The following SMPD3 variants were observed in gnomAD, a reference collection of about 807,000 sequenced individuals.
SMPD3 encodes the protein sphingomyelin phosphodiesterase 3.
SMPD3 carries 21 observed loss-of-function variants against 55.7 expected under a neutral mutation model. The observed-to-expected ratio is 0.38, with a 90% confidence interval of 0.27 to 0.54. The LOEUF (loss-of-function observed/expected upper bound fraction) is 0.54, where lower values mean the gene tolerates loss of function less well. Ranked by LOEUF, SMPD3 falls within the 20% of genes least tolerant of loss-of-function variation. SMPD3 has a pLI of 0.80. For missense variants in SMPD3, 842 were observed against 899.6 expected, an observed-to-expected ratio of 0.94 and a Z score of 0.82; for synonymous variants, 457 against 404.3, an observed-to-expected ratio of 1.13 and a Z score of -1.56.
At chr16:68,409,182 C>G (rs2090276897) in intron 1 of SMPD3, among the ~76,000 whole-genome samples, 1 of 152,260 alleles carries the variant, frequency 6.6e-6, no homozygotes, top group Non-Finnish European at 1.5e-5. Flanking sequence ...GAGCTCATTC[C>G]TTTGCAGCTC....
At chr16:68,427,382 C>A (rs1443506587) in intron 1 of SMPD3, among the ~76,000 whole-genome samples, 1 of 152,136 alleles carries the variant, frequency 6.6e-6, no homozygotes, top group Non-Finnish European at 1.5e-5. Context: ...CAAGGAAGAA[C>A]TGGGAGGAAT....
intron 3 of SMPD3, chr16:68,369,212 C>A (rs1026451373): frequency 1.1e-5 from 1 of 94,088 alleles, no homozygotes; most frequent in African/African-American, 6.0e-5. Flanking sequence ...AGTGAAACTC[C>A]GTCTCAAAAA....
intron 2 of SMPD3, among the ~76,000 whole-genome samples, chr16:68,378,606 G>A (rs969680183): frequency 2.0e-5 from 3 of 150,202 alleles, no homozygotes; most frequent in Non-Finnish European, 3.0e-5. Flanking sequence ...AATCAGGCAC[G>A]TGTCTGTTTG....
At chr16:68,439,812 T>C (rs2090552351) in intron 1 of SMPD3, among the ~76,000 whole-genome samples, 1 of 152,224 alleles carries the variant, frequency 6.6e-6, no homozygotes, top group African/African-American at 2.4e-5. Flanking sequence ...AATGGACCCA[T>C]GGCCTGCCCT....
chr16:68,392,485 AT>A (rs2090119783), intron 1 of SMPD3, among the ~76,000 whole-genome samples: 1 of 152,172 alleles, frequency 6.6e-6, no homozygotes, highest in African/African-American at 2.4e-5. Flanking sequence ...TGTAACCCTG[AT>A]AAGTTGAGGA....
chr16:68,441,638 A>G (rs896647900), intron 1 of SMPD3, among the ~76,000 whole-genome samples: 2 of 152,138 alleles, frequency 1.3e-5, no homozygotes, highest in Non-Finnish European at 2.9e-5. Context: ...CTTATAGCAC[A>G]TCTTAATTGC....
chr16:68,359,101 G>A lies in SMPD3; in HGVS notation c.*2105C>T, dbSNP rs924414918. On this transcript the variant is annotated 3_prime_UTR_variant, in exon 9 of 9. Coordinates refer to ENST00000219334, the MANE Select transcript of SMPD3 (RefSeq NM_018667.4). ...GACTCCCACGCCTGCTGCCCCGGGA[G>A]GGGGTGCCTGGGTGGGGAAGCTATG... 4 of 152,590 alleles carry A rather than the reference G, an allele frequency of 2.6e-5. No individual in the cohort carries two copies. The highest frequency in any genetic ancestry group is 5.9e-5 in the Non-Finnish European group (4 of 68,126). 9.5% of individuals were successfully genotyped at this position (152,590 alleles called of 1,614,324 possible). A position where few individuals can be genotyped will look rare whatever the true frequency, so the allele number is the denominator to read the frequency against.
intron 1 of SMPD3, among the ~76,000 whole-genome samples, chr16:68,407,707 G>A (rs1167420868): frequency 6.6e-6 from 1 of 151,986 alleles, no homozygotes; most frequent in Non-Finnish European, 1.5e-5. Flanking sequence ...AGAATGTGTA[G>A]CATATTGTTG....
chr16:68,415,295 TG>T (rs1355461481), intron 1 of SMPD3, among the ~76,000 whole-genome samples: 1 of 151,832 alleles, frequency 6.6e-6, no homozygotes, highest in Non-Finnish European at 1.5e-5. Context: ...GGCAGAGAGG[TG>T]GCTAGAGAGC....
At chr16:68,410,686 G>A (rs771613812) in intron 1 of SMPD3, among the ~76,000 whole-genome samples, 1 of 152,104 alleles carries the variant, frequency 6.6e-6, no homozygotes, top group Non-Finnish European at 1.5e-5. Flanking sequence ...CCACCATCAC[G>A]GATGGAAATA....
chr16:68,375,282 T>C (rs1004465987), intron 2 of SMPD3, among the ~76,000 whole-genome samples: 1 of 137,712 alleles, frequency 7.3e-6, no homozygotes, highest in African/African-American at 2.9e-5. Context: ...TTTGTGCTTC[T>C]GCCTCCACCA....
rs200081668 is a variant in SMPD3, at chr16:68,371,449, C to T, written c.733G>A (p.Val245Met). 35 of 1,589,222 alleles carry T rather than the reference C, an allele frequency of 2.2e-5. No individual in the cohort carries two copies. Among genetic ancestry groups the T allele is most frequent in the South Asian group, 5.6e-5 (5 of 89,842 alleles). ...CCGCCCTCCTCGCCACCGATGCGCA[C>T]GATGCAGGCATCCTCCGGGCTGCTG... ...DSSSPEDACI[V>M]RIGGEEGGRP... Residue 245 changes from valine (V) to methionine (M), a missense_variant, in exon 3 of 9, where the codon GTG becomes ATG. By Grantham distance (21) the Val-to-Met change is conservative (BLOSUM62 1). This residue lies in a region of SMPD3 where 649 missense variants were observed against 643.6 expected (regional missense o/e 1.01). Transcript: ENST00000219334.
intron 2 of SMPD3, chr16:68,382,134 G>A (rs954619845): frequency 3.9e-5 from 6 of 152,204 alleles, no homozygotes; most frequent in African/African-American, 1.2e-4. Context: ...TCAGAGAAGC[G>A]GTTGCTTTGG....
At position 68,371,294 on chromosome 16, in the gene SMPD3, C is replaced by G; in HGVS notation, c.888G>C (p.Ser296=). The G allele has an allele frequency of 1.2e-6, 2 of 1,602,378 alleles. No individual in the cohort carries two copies. The highest frequency in any genetic ancestry group is 1.7e-6 in the Non-Finnish European group (2 of 1,179,010). ...CCTTCACCAGGGACTCCCGGGAGGC[C>G]GAGGGGCTGCCCAGGCTCCCTGAAT... The part of the protein sequence containing the change: ...DGDSGSLGSP[S]ASRESLVKGR... The change falls in exon 3 of 9, where the codon TCG becomes TCC. Residue 296 remains serine (S), a synonymous_variant. Coordinates refer to ENST00000219334, the MANE Select transcript of SMPD3 (RefSeq NM_018667.4).
chr16:68,361,301 C>T lies in SMPD3; in HGVS notation c.1873G>A (p.Glu625Lys). The stretch of plus-strand genomic sequence containing the variant: ...AGCTGGGTGATAAAACTGAATTCTT[C>T]CACCTCCTGGGGTGAGTGGGAGAGG... The part of the protein sequence containing the change: ...GLCPDWKAEV[E>K]EFSFITQLSG... Residue 625 changes from glutamate (E) to lysine (K), a missense_variant, in exon 9 of 9, where the codon GAA becomes AAA. Physicochemically the swap from Glu to Lys is moderately conservative, Grantham distance 56. Coordinates refer to ENST00000219334, the MANE Select transcript of SMPD3 (RefSeq NM_018667.4). 6.2e-7 allele frequency: 1 copy of T among 1,610,710 alleles called. No homozygotes were observed. The highest frequency in any genetic ancestry group is 8.5e-7 in the Non-Finnish European group (1 of 1,178,594).
rs566225420 is a variant in SMPD3 at position 68,378,643 on chromosome 16, C to G, written c.-206-6256G>C. On this transcript the variant is annotated intron_variant, in intron 2 of 8. Transcript: ENST00000219334. ...ACGTCCTGGATGGAGCTCCAAGTCT[C>G]GGCACCACCACAAGCCTGAAGCCCA... Among the ~76,000 whole-genome samples, 8 of 150,924 alleles carry G rather than the reference C, an allele frequency of 5.3e-5. No homozygotes were observed. In the East Asian group the frequency reaches 1.6e-3, roughly 29 times the overall value.
intron 1 of SMPD3, among the ~76,000 whole-genome samples, chr16:68,415,623 ATTATT>A (rs2090332993): frequency 6.6e-6 from 1 of 152,164 alleles, no homozygotes; most frequent in Non-Finnish European, 1.5e-5. Context: ...CTGTGTTTGT[ATTATT>A]TTAATATTGA....
intron 3 of SMPD3, chr16:68,368,764 C>A (rs2089563668): frequency 6.6e-6 from 1 of 152,340 alleles, no homozygotes; most frequent in Admixed American, 6.5e-5. Context: ...CAGAGTCTCA[C>A]TCCCAGGCAG....
chr16:68,415,638 A>G (rs556315457), intron 1 of SMPD3, among the ~76,000 whole-genome samples: 42 of 152,296 alleles, frequency 2.8e-4, no homozygotes, highest in African/African-American at 9.9e-4. Flanking sequence ...TTTAATATTG[A>G]CTTTTAAAAA....
Sources: gnomAD v4.1 joint callset for allele counts (sites outside exome capture counted in the v4.1 genomes callset) on GRCh38, gnomAD v4.1.1 for gene constraint, gnomAD v4.1.1 regional missense constraint, MANE v1.5 for transcripts, NCBI Gene and HGNC (gene_info 2026-07-23, HGNC 2026-07-21) for gene names.